NDUFS4: variants seen among roughly 807,000 people sequenced by gnomAD.
The protein encoded by NDUFS4 is NADH:ubiquinone oxidoreductase subunit S4, also known as NADH dehydrogenase [ubiquinone] iron-sulfur protein 4, mitochondrial.
A neutral mutation model predicts 24.3 loss-of-function variants in NDUFS4; 28 were observed. The ratio of observed to expected loss-of-function variants is 1.15; its 90% CI spans 0.85 to 1.58. The LOEUF is 1.58. Ranked by LOEUF, NDUFS4 falls within the 40% of genes most tolerant of loss-of-function variation. NDUFS4 has a pLI of 0.00. For synonymous variants in NDUFS4, 93 were observed against 69.7 expected (o/e 1.34, Z -1.67); for missense variants, 223 against 207.9 (o/e 1.07, Z -0.45).
intron 4 of NDUFS4, among the ~76,000 whole-genome samples, chr5:53,670,757 G>C (rs1752643772): frequency 6.6e-6 from 1 of 150,804 alleles, no homozygotes; most frequent in South Asian, 2.1e-4. Context: ...TATTCTTCAG[G>C]TACTCTTACC....
chr5:53,651,740 T>A (rs1447458820), intron 3 of NDUFS4, among the ~76,000 whole-genome samples: 1 of 151,556 alleles, frequency 6.6e-6, no homozygotes, highest in East Asian at 1.9e-4. Context: ...CCACAAGGTT[T>A]CCTAATTTAG....
intron 2 of NDUFS4, among the ~76,000 whole-genome samples, chr5:53,632,894 C>G (rs1406700526): frequency 6.6e-6 from 1 of 152,144 alleles, no homozygotes; most frequent in Admixed American, 6.5e-5. Context: ...GTTAATGAAT[C>G]TTTACTTTTT....
chr5:53,626,178 T>A (rs1245909083), intron 2 of NDUFS4, among the ~76,000 whole-genome samples: 1 of 152,190 alleles, frequency 6.6e-6, no homozygotes. Context: ...ATAATGATGG[T>A]TTCCAGTTTC....
rs185186769 is a variant in NDUFS4, at chr5:53,679,714, C to A, written c.425-3404C>A. ...GTGTTTGTGTGTATATTACTATTTC[C>A]TAGATATTTGAGTGCTTTCTCATTT... On this transcript the variant is annotated intron_variant, in intron 4 of 4. Transcript: ENST00000296684. Among the ~76,000 whole-genome samples the A allele has an allele frequency of 2.4e-3, 361 of 152,160 alleles. 5 individuals are homozygous for A. The highest frequency in any genetic ancestry group is 8.1e-3 in the African/African-American group (336 of 41,526).
chr5:53,564,756 C>A (rs544566830), intron 1 of NDUFS4, among the ~76,000 whole-genome samples: 5 of 152,086 alleles, frequency 3.3e-5, no homozygotes, highest in Admixed American at 6.6e-5. Context: ...TCTTGAACAC[C>A]TGACCCCAAG....
chr5:53,560,863 C>T (rs1274803644), intron 1 of NDUFS4, 103 bp downstream of exon 1: 2 of 1,579,088 alleles, frequency 1.3e-6, no homozygotes, highest in East Asian at 2.3e-5. Flanking sequence ...AAGGCGTCCT[C>T]TGTTGACCCT....
At chr5:53,605,448 A>T (rs2087619) in intron 2 of NDUFS4, among the ~76,000 whole-genome samples, 39,726 of 152,142 alleles carry the variant, frequency 0.26, 5,844 homozygotes, top group Admixed American at 0.35. Context: ...TGAGTCAGCC[A>T]GTAATACATT....
intron 4 of NDUFS4, among the ~76,000 whole-genome samples, chr5:53,677,882 ATTAGG>A (rs1740528955): frequency 6.6e-6 from 1 of 152,174 alleles, no homozygotes; most frequent in African/African-American, 2.4e-5. Context: ...AGGGTTTGAG[ATTAGG>A]TTATTAGAGA....
At chr5:53,563,236 CAA>C (rs906204561) in intron 1 of NDUFS4, among the ~76,000 whole-genome samples, 3 of 105,084 alleles carry the variant, frequency 2.9e-5, no homozygotes, top group African/African-American at 3.7e-5. Flanking sequence ...CTCAAAAAAA[CAA>C]AAAAAAAAAA....
intron 2 of NDUFS4, among the ~76,000 whole-genome samples, chr5:53,619,549 A>G (rs1032899165): frequency 6.6e-6 from 1 of 151,642 alleles, no homozygotes; most frequent in Non-Finnish European, 1.5e-5. Flanking sequence ...TACTACCAAT[A>G]AAAAAGATAC....
intron 4 of NDUFS4, among the ~76,000 whole-genome samples, chr5:53,667,741 G>A (rs1752560906): frequency 6.6e-6 from 1 of 152,164 alleles, no homozygotes; most frequent in Non-Finnish European, 1.5e-5. Flanking sequence ...ACTGGATTAA[G>A]AGGCTGGTAA....
intron 2 of NDUFS4, chr5:53,604,851 A>G: frequency 4.4e-6 from 2 of 456,254 alleles, no homozygotes; most frequent in Non-Finnish European, 8.8e-6. Context: ...ATTTTAACTA[A>G]TCCTGAGGAC....
chr5:53,667,203 C>T (rs894760554), intron 4 of NDUFS4, among the ~76,000 whole-genome samples: 8 of 151,180 alleles, frequency 5.3e-5, no homozygotes, highest in Admixed American at 1.3e-4. Flanking sequence ...CGGTGGCTCA[C>T]GCCTGTAATC....
At chr5:53,568,972 A>G (rs13190232) in intron 1 of NDUFS4, among the ~76,000 whole-genome samples, 2 of 152,108 alleles carry the variant, frequency 1.3e-5, no homozygotes, top group Non-Finnish European at 2.9e-5. Flanking sequence ...CACTTCACAC[A>G]TAAGTAAATG....
intron 1 of NDUFS4, among the ~76,000 whole-genome samples, chr5:53,580,612 G>A (rs528892316): frequency 1.0e-3 from 158 of 152,196 alleles, no homozygotes; most frequent in African/African-American, 3.6e-3. Flanking sequence ...ACAATGTTAC[G>A]ATGATGACTT....
At chr5:53,647,777 G>A (rs937455439) in intron 3 of NDUFS4, among the ~76,000 whole-genome samples, 14 of 152,298 alleles carry the variant, frequency 9.2e-5, no homozygotes, top group East Asian at 7.7e-4. Flanking sequence ...AGACTGTCTT[G>A]TTCTAGAAAA....
In NDUFS4 at chr5:53,637,700, T is replaced by A. The variant is rs1171887527; in HGVS notation, c.178-8533T>A. On this transcript the variant is annotated intron_variant, in intron 2 of 4. Transcript: ENST00000296684. ...TGTTTCAAACAACAAAAAAAAATTA[T>A]CCTCATTAGTTCATTCACCCTCATG... 3.3e-5 allele frequency among the ~76,000 whole-genome samples: 5 copies of A among 152,268 alleles called. No individual in the cohort carries two copies. In the East Asian group the frequency reaches 9.7e-4, roughly 29 times the overall value.
intron 1 of NDUFS4, among the ~76,000 whole-genome samples, chr5:53,567,526 G>A (rs977650879): frequency 4.6e-5 from 7 of 151,506 alleles, no homozygotes; most frequent in Non-Finnish European, 8.8e-5. Context: ...ACTTTTTTAC[G>A]CTCTTAAAAA....
chr5:53,649,240 T>C (rs1199169109), intron 3 of NDUFS4, among the ~76,000 whole-genome samples: 2 of 152,200 alleles, frequency 1.3e-5, no homozygotes, highest in African/African-American at 4.8e-5. Flanking sequence ...GGTGTACATG[T>C]GCAGGTTTGT....
Sources: allele counts gnomAD v4.1 joint callset (sites outside exome capture counted in the v4.1 genomes callset), GRCh38; gene constraint gnomAD v4.1.1; transcripts MANE v1.5; gene names NCBI Gene and HGNC (gene_info 2026-07-23, HGNC 2026-07-21).